Variants in ZNF718 observed in about 807,000 individuals in gnomAD.
The protein encoded by ZNF718 is zinc finger protein 718.
Under a neutral mutation model 2.6 loss-of-function variants are expected in ZNF718, and 3 were observed. The ratio of observed to expected loss-of-function variants is 1.16; its 90% CI spans 0.53 to 3.01. The LOEUF (loss-of-function observed/expected upper bound fraction) is 3.01. ZNF718 is among the 30% of genes most tolerant of loss of function. The pLI is 0.03. For missense variants in ZNF718, 468 were observed against 230.0 expected (o/e 2.03, Z -6.69); for synonymous variants, 135 against 77.9 (o/e 1.73, Z -3.86).
chr4:158,892 CTT>C (rs587673139), intron 3 of ZNF718, among the ~76,000 whole-genome samples: 2,040 of 139,312 alleles, frequency 0.015, 46 homozygotes, highest in African/African-American at 0.046. Flanking sequence ...TTTCTTTAGC[CTT>C]TTTTTTTTTT....
chr4:152,590 G>A (rs890133048), intron 3 of ZNF718, among the ~76,000 whole-genome samples: 7 of 151,768 alleles, frequency 4.6e-5, no homozygotes, highest in Non-Finnish European at 8.8e-5. Context: ...TAAGGTTATA[G>A]ATTAACAAAA....
At chr4:146,693 G>A (rs151013622) in intron 3 of ZNF718, among the ~76,000 whole-genome samples, 1 of 151,622 alleles carries the variant, frequency 6.6e-6, no homozygotes, top group African/African-American at 2.4e-5. Context: ...TATAGCATGG[G>A]TTCCAAATTC....
intron 3 of ZNF718, among the ~76,000 whole-genome samples, chr4:177,929 C>G (rs1717383048): frequency 6.6e-6 from 1 of 151,958 alleles, no homozygotes; most frequent in South Asian, 2.1e-4. Context: ...ATCTCATGCT[C>G]CAAAGACAAC....
At chr4:192,810 T>G (rs1717719023) in intron 3 of ZNF718, among the ~76,000 whole-genome samples, 1 of 152,180 alleles carries the variant, frequency 6.6e-6, no homozygotes, top group African/African-American at 2.4e-5. Context: ...AGAGACAAAC[T>G]TAACAAGGGG....
At chr4:160,584 C>G (rs1457197676) in intron 3 of ZNF718, among the ~76,000 whole-genome samples, 4 of 152,134 alleles carry the variant, frequency 2.6e-5, no homozygotes, top group Non-Finnish European at 5.9e-5. Context: ...GGGTCTCACA[C>G]TGTCACCTTT....
chr4:168,408 A>G (rs1717142448), downstream of ZNF718, among the ~76,000 whole-genome samples: 1 of 152,170 alleles, frequency 6.6e-6, no homozygotes, highest in South Asian at 2.1e-4. Context: ...ATTGATTGGA[A>G]TAGTTTCAGA....
chr4:126,683 C>A (rs1715233397), intron 1 of ZNF718, among the ~76,000 whole-genome samples: 1 of 151,730 alleles, frequency 6.6e-6, no homozygotes. Flanking sequence ...TACTTAAGAA[C>A]TAATGGTGAC....
At chr4:198,756 C>T (rs534670036) in intron 3 of ZNF718, among the ~76,000 whole-genome samples, 37 of 152,226 alleles carry the variant, frequency 2.4e-4, no homozygotes, top group African/African-American at 3.9e-4. Flanking sequence ...TGGAGGATTC[C>T]GGGATCTCAC....
intron 1 of ZNF718, chr4:124,903 G>A (rs1715127219): frequency 3.9e-6 from 2 of 508,694 alleles, no homozygotes; most frequent in Non-Finnish European, 7.0e-6. Context: ...TCCCCGGGCT[G>A]TGGAGTGAGT....
chr4:189,470 C>T (rs1553820848), intron 3 of ZNF718, among the ~76,000 whole-genome samples: 1 of 151,916 alleles, frequency 6.6e-6, no homozygotes, highest in African/African-American at 2.4e-5. Flanking sequence ...AGTATTATTT[C>T]ATCTTGTATA....
At chr4:138,130 G>C (rs1715653933) in intron 3 of ZNF718, among the ~76,000 whole-genome samples, 1 of 152,114 alleles carries the variant, frequency 6.6e-6, no homozygotes, top group Non-Finnish European at 1.5e-5. Flanking sequence ...TTTATTCTTT[G>C]TTTTACAGAC....
chr4:192,193 G>A (rs998140209), intron 3 of ZNF718, among the ~76,000 whole-genome samples: 7 of 152,216 alleles, frequency 4.6e-5, no homozygotes, highest in Admixed American at 2.6e-4. Flanking sequence ...GCTCGAGCCG[G>A]AACAAACGCA....
intron 3 of ZNF718, among the ~76,000 whole-genome samples, chr4:175,143 G>T (rs927189541): frequency 1.3e-5 from 2 of 152,158 alleles, no homozygotes; most frequent in Non-Finnish European, 2.9e-5. Flanking sequence ...TAAAATCCCT[G>T]ACTCAATTTC....
In ZNF718 at chr4:162,417, T is replaced by C. The variant is rs1371200825; in HGVS notation, c.*295T>C. The C allele has an allele frequency of 4.0e-6, 1 of 251,396 alleles. No homozygotes were observed. The highest frequency in any genetic ancestry group is 2.2e-5 in the African/African-American group (1 of 44,890). 15.6% of individuals were successfully genotyped at this position (251,396 alleles called of 1,614,324 possible). A position where few individuals can be genotyped will look rare whatever the true frequency, so the allele number is the denominator to read the frequency against. ...AATGCTCATATCTCTTTGCACATGA[T>C]AGCATTTATACTTGAGAAAAATTGT... On this transcript the variant is annotated 3_prime_UTR_variant, in exon 4 of 4. Transcript: ENST00000510175.
chr4:192,364 C>G (rs902171454), intron 3 of ZNF718, among the ~76,000 whole-genome samples: 3 of 152,186 alleles, frequency 2.0e-5, no homozygotes, highest in Non-Finnish European at 4.4e-5. Flanking sequence ...CATGATTTGA[C>G]TATTTCTTTA....
chr4:187,004 A>G (rs1056391441), intron 3 of ZNF718, among the ~76,000 whole-genome samples: 7 of 152,014 alleles, frequency 4.6e-5, no homozygotes, highest in Non-Finnish European at 1.5e-5. Context: ...TTGAGTTTTC[A>G]TCATGTTTGT....
At chr4:196,904 T>G (rs1717803052) in intron 3 of ZNF718, among the ~76,000 whole-genome samples, 1 of 151,528 alleles carries the variant, frequency 6.6e-6, no homozygotes, top group Non-Finnish European at 1.5e-5. Context: ...GAATAGCAAG[T>G]GAAAGTGGTC....
At position 130,057 on chromosome 4, in the gene ZNF718, C is replaced by T. The variant is rs1303479321; in HGVS notation, c.4-731C>T. Among the ~76,000 whole-genome samples the T allele has an allele frequency of 3.8e-5, 4 of 104,492 alleles. 2 individuals are homozygous for T. Among genetic ancestry groups the T allele is most frequent in the East Asian group, 1.1e-3 (2 of 1,876 alleles). 68.6% of individuals were successfully genotyped at this position (104,492 alleles called of 152,430 possible). A position where few individuals can be genotyped will look rare whatever the true frequency, so the allele number is the denominator to read the frequency against. ...ACATTAAAGGGCTTGCAGAGAATGC[C>T]GTATTTCAAGATGATGATTGGTGGT... On this transcript the variant is annotated intron_variant, in intron 1 of 3. Transcript: ENST00000510175.
intron 3 of ZNF718, among the ~76,000 whole-genome samples, chr4:143,908 C>G (rs552328482): frequency 1.3e-5 from 2 of 152,020 alleles, no homozygotes; most frequent in Non-Finnish European, 2.9e-5. Context: ...AGAAAAAGAC[C>G]GTTGACCCCC....
Sources: gnomAD v4.1 joint callset for allele counts (sites outside exome capture counted in the v4.1 genomes callset) on GRCh38, gnomAD v4.1.1 for gene constraint, MANE v1.5 for transcripts, NCBI Gene and HGNC (gene_info 2026-07-23, HGNC 2026-07-21) for gene names.